Variants in PRDM10 observed in about 807,000 individuals in gnomAD.
PRDM10 encodes PR/SET domain 10, also known as PR domain zinc finger protein 10.
PRDM10 carries 65 observed loss-of-function variants against 133.1 expected under a neutral mutation model. That is an observed-to-expected ratio of 0.49 (90% confidence interval 0.40 to 0.60). PRDM10 has a LOEUF of 0.60. Among genes scored for constraint, PRDM10 ranks in the 20% least tolerant of loss-of-function variants. The pLI is 0.00. For missense variants in PRDM10, 1,137 were observed against 1,507.1 expected (o/e 0.75, Z 4.07); for synonymous variants, 582 against 580.4 (o/e 1.00, Z -0.04).
intron 19 of PRDM10, among the ~76,000 whole-genome samples, chr11:129,906,730 C>A (rs2135713618): frequency 6.6e-6 from 1 of 152,298 alleles, no homozygotes; most frequent in Admixed American, 6.5e-5. Flanking sequence ...GTAATCCCAG[C>A]ACTTTGGGAG....
At chr11:129,942,344 AC>A (rs1951237321) in intron 7 of PRDM10, 81 bp downstream of exon 7, 1 of 1,451,670 alleles carries the variant, frequency 6.9e-7, no homozygotes. Context: ...AAACAAACCC[AC>A]TTTAGGAAAA....
chr11:130,001,226 C>G (rs1043522007), intron 1 of PRDM10, among the ~76,000 whole-genome samples: 1 of 152,002 alleles, frequency 6.6e-6, no homozygotes, highest in Non-Finnish European at 1.5e-5. Flanking sequence ...TATTCTAGAA[C>G]AACAAATAAG....
chr11:129,917,810 A>G (rs1327831417), intron 14 of PRDM10, among the ~76,000 whole-genome samples: 1 of 152,168 alleles, frequency 6.6e-6, no homozygotes, highest in Non-Finnish European at 1.5e-5. Context: ...CTGCTGTTTG[A>G]TATCTGGAAA....
At chr11:129,995,392 G>A (rs777328360) in intron 1 of PRDM10, among the ~76,000 whole-genome samples, 5 of 152,160 alleles carry the variant, frequency 3.3e-5, no homozygotes, top group Non-Finnish European at 7.4e-5. Flanking sequence ...ATTGGACACG[G>A]TTCTGTCAAT....
At chr11:129,913,338 G>A (rs763609822) in intron 17 of PRDM10, among the ~76,000 whole-genome samples, 1 of 151,668 alleles carries the variant, frequency 6.6e-6, no homozygotes, top group Middle Eastern at 3.4e-3. Context: ...CCTAGAACAC[G>A]CCATACAACA....
chr11:129,912,357 C>T, intron 17 of PRDM10, 132 bp from the exon 18 acceptor site: 1 of 1,042,768 alleles, frequency 9.6e-7, no homozygotes. Context: ...ATAAACCCAG[C>T]AGTTTGGGAG....
At chr11:129,908,048 T>G (rs934384787) in intron 19 of PRDM10, among the ~76,000 whole-genome samples, 2 of 151,372 alleles carry the variant, frequency 1.3e-5, no homozygotes, top group African/African-American at 4.9e-5. Flanking sequence ...TGCAGTGAGC[T>G]ATGATCACAC....
chr11:129,928,931 G>A (rs1470492551), intron 11 of PRDM10, among the ~76,000 whole-genome samples: 1 of 151,980 alleles, frequency 6.6e-6, no homozygotes, highest in Non-Finnish European at 1.5e-5. Flanking sequence ...CTCTTTCAAG[G>A]GCTAGTCTAA....
Position 129,902,308 on chromosome 11 carries a change from G to A in PRDM10, c.*5C>T, listed in dbSNP as rs1224804353. ...GGGTGCTGGATTCAAGCTCCAGGGT[G>A]GAAGTCATGGTTTGGTGATATGCAC... On this transcript the variant is annotated 3_prime_UTR_variant, in exon 21 of 21. Coordinates refer to ENST00000360871, the MANE Select transcript of PRDM10 (RefSeq NM_199437.2). 6.2e-7 allele frequency: 1 copy of A among 1,613,720 alleles called. No individual in the cohort carries two copies. The highest frequency in any genetic ancestry group is 2.2e-5 in the East Asian group (1 of 44,878).
chr11:129,919,587 T>C (rs1002746942), intron 13 of PRDM10, among the ~76,000 whole-genome samples: 7 of 152,184 alleles, frequency 4.6e-5, no homozygotes, highest in Non-Finnish European at 8.8e-5. Flanking sequence ...CACATGCTGA[T>C]GTGAGTCCAT....
intron 4 of PRDM10, chr11:129,948,224 T>C (rs1024103436): frequency 7.0e-5 from 28 of 399,212 alleles, no homozygotes; most frequent in Non-Finnish European, 1.1e-4. Flanking sequence ...CTAAGTGTTA[T>C]GGGATTATAC....
rs57861880 is a variant in PRDM10 at position 129,900,344 on chromosome 11, A to AAAGAAGAAGAAGAAG, written c.*1954_*1968dup. 4 of 151,248 alleles carry AAAGAAGAAGAAGAAG rather than the reference A, an allele frequency of 2.6e-5. No individual in the cohort carries two copies. Among genetic ancestry groups the AAAGAAGAAGAAGAAG allele is most frequent in the African/African-American group, 4.9e-5 (2 of 41,068 alleles). The allele number at this position is 151,248 out of a possible 1,614,324, so 9.4% of individuals were successfully genotyped here. A position where few individuals can be genotyped will look rare whatever the true frequency, so the allele number is the denominator to read the frequency against. On this transcript the variant is annotated 3_prime_UTR_variant, in exon 21 of 21. Coordinates refer to ENST00000360871, the MANE Select transcript of PRDM10 (RefSeq NM_199437.2). ...AGAGTCTTTATTTCACTTAAGGACC[A>AAAGAAGAAGAAGAAG]AAGAAGAAGAAGAAGAAGAAGAAGA...
chr11:129,995,624 C>A (rs1432333665), intron 1 of PRDM10, among the ~76,000 whole-genome samples: 2 of 151,764 alleles, frequency 1.3e-5, no homozygotes, highest in East Asian at 3.9e-4. Context: ...AGAATTTGCA[C>A]ACAAAAATAA....
chr11:129,968,137 A>G (rs1452455454), intron 1 of PRDM10, among the ~76,000 whole-genome samples: 1 of 152,202 alleles, frequency 6.6e-6, no homozygotes, highest in Admixed American at 6.5e-5. Flanking sequence ...GTTGTGACAC[A>G]CAGTGGTTAA....
intron 2 of PRDM10, 126 bp from the exon 3 acceptor site, chr11:129,958,036 C>T (rs561605149): frequency 4.8e-5 from 53 of 1,101,188 alleles, no homozygotes; most frequent in Non-Finnish European, 6.4e-5. Flanking sequence ...TTGTCTACAC[C>T]GAGGTGGTGA....
At chr11:129,957,567 T>A (rs1951719271) in intron 3 of PRDM10, among the ~76,000 whole-genome samples, 179 bp downstream of exon 3, 1 of 152,206 alleles carries the variant, frequency 6.6e-6, no homozygotes, top group South Asian at 2.1e-4. Context: ...TCCACCTGCC[T>A]CGGCCTCCCA....
At position 129,924,872 on chromosome 11, in the gene PRDM10, A is replaced by G. The variant is rs1376252789; in HGVS notation, c.1878+10T>C. 1 of 1,577,936 alleles carries G rather than the reference A, an allele frequency of 6.3e-7. No homozygotes were observed. The highest frequency in any genetic ancestry group is 8.6e-7 in the Non-Finnish European group (1 of 1,163,164). ...GGAAGCAGACAGGAATCTCAGTAGT[A>G]GACACTCACCTGGATAAAATCTGGG... On this transcript the variant is annotated intron_variant, in intron 12 of 20. Coordinates refer to ENST00000360871, the MANE Select transcript of PRDM10 (RefSeq NM_199437.2).
intron 1 of PRDM10, among the ~76,000 whole-genome samples, chr11:129,982,031 G>C (rs1418108361): frequency 1.3e-5 from 2 of 152,172 alleles, no homozygotes; most frequent in East Asian, 3.9e-4. Context: ...GCCGAGGCTG[G>C]TGGATCACTT....
intron 11 of PRDM10, 100 bp from the exon 12 acceptor site, chr11:129,925,329 G>T: frequency 1.8e-6 from 2 of 1,138,354 alleles, no homozygotes; most frequent in African/African-American, 1.6e-5. Flanking sequence ...TGCAATCACA[G>T]ACTTCCCATA....
Sources: gnomAD v4.1 joint callset for allele counts (sites outside exome capture counted in the v4.1 genomes callset) on GRCh38, gnomAD v4.1.1 for gene constraint, MANE v1.5 for transcripts, NCBI Gene and HGNC (gene_info 2026-07-23, HGNC 2026-07-21) for gene names.